The following RNF125 variants were observed in gnomAD, a reference collection of about 807,000 sequenced individuals.
RNF125 encodes ring finger protein 125, also known as E3 ubiquitin-protein ligase RNF125.
RNF125 carries 21 observed loss-of-function variants against 26.0 expected under a neutral mutation model. The observed-to-expected ratio is 0.81, with a 90% confidence interval of 0.57 to 1.16. The LOEUF (loss-of-function observed/expected upper bound fraction) is 1.16. RNF125 is among the 50% of genes most tolerant of loss of function. The probability of loss-of-function intolerance (pLI) is 0.00; values close to 1 mark genes in which losing one functional copy is unlikely to be tolerated. For missense variants in RNF125, 270 were observed against 299.4 expected, an observed-to-expected ratio of 0.90 and a Z score of 0.72; for synonymous variants, 95 against 109.2, an observed-to-expected ratio of 0.87 and a Z score of 0.81.
At chr18:32,028,297 T>TAA (rs1156859954) in intron 1 of RNF125, among the ~76,000 whole-genome samples, 3,462 of 72,344 alleles carry the variant, frequency 0.048, 266 homozygotes, top group Non-Finnish European at 0.069. Flanking sequence ...GACTCCGTCT[T>TAA]AAAAAAAAAA....
intron 1 of RNF125, among the ~76,000 whole-genome samples, chr18:32,027,213 C>T (rs1338953953): frequency 2.0e-5 from 3 of 150,500 alleles, no homozygotes; most frequent in Non-Finnish European, 2.9e-5. Context: ...TACCACTGGA[C>T]TACAGGATGG....
intron 1 of RNF125, among the ~76,000 whole-genome samples, chr18:32,025,222 A>C (rs934995141): frequency 6.6e-6 from 1 of 152,150 alleles, no homozygotes; most frequent in Non-Finnish European, 1.5e-5. Context: ...GTGTAAACAT[A>C]TATATACATG....
intron 2 of RNF125, among the ~76,000 whole-genome samples, chr18:32,038,043 A>AT (rs35226765): frequency 0.22 from 22,473 of 103,348 alleles, 3,311 homozygotes; most frequent in African/African-American, 0.29. Context: ...GGTCCGTGCC[A>AT]TTTTTTTTTT....
chr18:32,031,262 T>G (rs755910231), intron 1 of RNF125: 1 of 151,988 alleles, frequency 6.6e-6, no homozygotes, highest in African/African-American at 2.4e-5. Flanking sequence ...CCAAACTGTT[T>G]AAGGATCAGA....
intron 4 of RNF125, among the ~76,000 whole-genome samples, chr18:32,057,387 T>G (rs1172968631): frequency 6.7e-6 from 1 of 149,798 alleles, no homozygotes; most frequent in Non-Finnish European, 1.5e-5. Flanking sequence ...TAGGCTGGAG[T>G]GTAGTGGCGC....
intron 1 of RNF125, among the ~76,000 whole-genome samples, chr18:32,034,040 A>G (rs914604521): frequency 1.6e-4 from 24 of 152,088 alleles, no homozygotes; most frequent in African/African-American, 5.8e-4. Context: ...TTCAAACTGT[A>G]CAGTCACCAC....
intron 1 of RNF125, among the ~76,000 whole-genome samples, chr18:32,019,567 TC>T (rs1370136480): frequency 6.6e-6 from 1 of 152,150 alleles, no homozygotes; most frequent in Non-Finnish European, 1.5e-5. Flanking sequence ...CAAACAAGGA[TC>T]TGTGCAAAGT....
the RNF125 span, among the ~76,000 whole-genome samples, chr18:32,084,525 T>G: frequency 6.6e-6 from 1 of 152,202 alleles, no homozygotes; most frequent in Non-Finnish European, 1.5e-5. Flanking sequence ...CGAATATCTG[T>G]TTCATTGTTG....
intron 4 of RNF125, among the ~76,000 whole-genome samples, chr18:32,065,384 T>C (rs1198024878): frequency 6.6e-6 from 1 of 152,082 alleles, no homozygotes; most frequent in African/African-American, 2.4e-5. Context: ...ATTACAGGCA[T>C]CTGCCACTGC....
At chr18:32,029,693 A>G (rs1312420226) in intron 1 of RNF125, among the ~76,000 whole-genome samples, 1 of 152,188 alleles carries the variant, frequency 6.6e-6, no homozygotes, top group Non-Finnish European at 1.5e-5. Context: ...CAGTAGATGC[A>G]AGGGAGAAAG....
chr18:32,053,551 G>A (rs2039349362), intron 4 of RNF125, among the ~76,000 whole-genome samples: 1 of 151,976 alleles, frequency 6.6e-6, no homozygotes, highest in African/African-American at 2.4e-5. Flanking sequence ...GCTAAAGCAG[G>A]CAGATCACTT....
rs566319428 is a variant in RNF125, at chr18:32,040,031, G to A, written c.319-2148G>A. On this transcript the variant is annotated intron_variant, in intron 2 of 5. Coordinates refer to ENST00000217740, the MANE Select transcript of RNF125 (RefSeq NM_017831.4). ...TGACCACAGGTGATCTGTCCACCTC[G>A]GCCTCCCAAAGTGCTAGGATTACAA... is the stretch of plus-strand genomic sequence containing the variant. Among the ~76,000 whole-genome samples, 326 of 151,852 alleles carry A rather than the reference G, an allele frequency of 2.1e-3. 3 individuals carry two copies. In the South Asian group the frequency reaches 0.027, roughly 13 times the overall value.
At chr18:32,054,676 G>A (rs774884731) in intron 4 of RNF125, among the ~76,000 whole-genome samples, 5 of 152,142 alleles carry the variant, frequency 3.3e-5, no homozygotes, top group Non-Finnish European at 7.4e-5. Context: ...TGTAGGAACT[G>A]ATGTGAAGTA....
intron 4 of RNF125, among the ~76,000 whole-genome samples, chr18:32,057,626 C>T (rs1001703048): frequency 6.6e-6 from 1 of 152,082 alleles, no homozygotes; most frequent in Non-Finnish European, 1.5e-5. Flanking sequence ...TGAGCTACCG[C>T]GCCTGGTCCA....
chr18:32,078,939 TAG>T, the RNF125 span, among the ~76,000 whole-genome samples: 1 of 152,188 alleles, frequency 6.6e-6, no homozygotes, highest in Non-Finnish European at 1.5e-5. Context: ...CCCACCCAAG[TAG>T]AGTCAGTCAC....
At chr18:32,088,086 A>G in the RNF125 span, among the ~76,000 whole-genome samples, 2 of 152,342 alleles carry the variant, frequency 1.3e-5, no homozygotes, top group South Asian at 2.1e-4. Context: ...GTGTATGTAC[A>G]TAGTCAAGAG....
downstream of RNF125, among the ~76,000 whole-genome samples, chr18:32,076,711 A>C (rs2039573074): frequency 6.6e-6 from 1 of 150,954 alleles, no homozygotes. Context: ...ATCTCACTCC[A>C]CTCTCTCCCT....
Position 32,018,880 on chromosome 18 carries a change from G to C in RNF125, c.17G>C (p.Ser6Thr). The change falls in exon 1 of 6, where the codon AGC (serine) becomes ACC (threonine). Residue 6 changes from serine to threonine, a missense_variant. By Grantham distance (58) the Ser-to-Thr change is moderately conservative. Transcript: ENST00000217740. ...GGCACAGCGATGGGCTCCGTGCTGA[G>C]CACCGACAGCGGCAAATCGGCGCCC... The part of the protein sequence containing the change: MGSVL[S>T]TDSGKSAPAS... The C allele has an allele frequency of 6.3e-7, 1 of 1,589,934 alleles. No homozygotes were observed. The highest frequency in any genetic ancestry group is 8.6e-7 in the Non-Finnish European group (1 of 1,168,676).
At chr18:32,031,121 T>TG (rs2039089444) in intron 1 of RNF125, 1 of 151,984 alleles carries the variant, frequency 6.6e-6, no homozygotes, top group Non-Finnish European at 1.5e-5. Flanking sequence ...GCTTGAACTT[T>TG]GGGGGGACAC....
Sources: allele counts gnomAD v4.1 joint callset (sites outside exome capture counted in the v4.1 genomes callset), GRCh38; gene constraint gnomAD v4.1.1; transcripts MANE v1.5; gene names NCBI Gene and HGNC (gene_info 2026-07-23, HGNC 2026-07-21).